The following CCDC186 variants were observed in gnomAD, a reference collection of about 807,000 sequenced individuals.
CCDC186 encodes coiled-coil domain-containing protein 186.
In CCDC186, 49 loss-of-function variants were observed where a neutral mutation model predicts 113.7. The observed-to-expected ratio is 0.43, with a 90% CI of 0.34 to 0.55. The LOEUF (loss-of-function observed/expected upper bound fraction) is 0.55. Ranked by LOEUF, CCDC186 falls within the 20% of genes least tolerant of loss-of-function variation. The pLI, the probability that CCDC186 is intolerant of heterozygous loss-of-function variation, is 0.02. For missense variants in CCDC186, 890 were observed against 1,011.1 expected, an observed-to-expected ratio of 0.88 and a Z score of 1.62; for synonymous variants, 355 against 345.8, an observed-to-expected ratio of 1.03 and a Z score of -0.30.
chr10:114,129,957 C>G lies in CCDC186; in HGVS notation c.2116G>C (p.Asp706His). ...KQLQQARRKL[D>H]QVESGSYDKE... ...TCATAGCTTCCACTCTCAACCTGAT[C>G]TAATTTTCTTCGTGCTATAGGAAAA... The change falls in exon 13 of 16, where the codon GAT becomes CAT. Residue 706 changes from aspartate to histidine, a missense_variant. Physicochemically the swap from Asp to His is moderately conservative, Grantham distance 81. Coordinates refer to ENST00000369287, the MANE Select transcript of CCDC186 (RefSeq NM_018017.4). 6.2e-7 allele frequency: 1 copy of G among 1,613,334 alleles called. No homozygotes were observed. Among genetic ancestry groups the G allele is most frequent in the Middle Eastern group, 1.7e-4 (1 of 6,056 alleles).
intron 1 of CCDC186, chr10:114,168,102 C>T (rs1374066032): frequency 1.3e-5 from 2 of 152,212 alleles, no homozygotes; most frequent in Admixed American, 1.3e-4. Context: ...TACTATAATA[C>T]AGTACAGTCA....
chr10:114,166,050 C>T (rs908443952), intron 1 of CCDC186: 5 of 414,320 alleles, frequency 1.2e-5, no homozygotes, highest in Middle Eastern at 1.2e-3. Context: ...AAAGTTACAT[C>T]GGACCAAGGG....
intron 1 of CCDC186, among the ~76,000 whole-genome samples, chr10:114,166,785 T>C (rs17091398): frequency 0.17 from 25,592 of 152,072 alleles, 2,486 homozygotes; most frequent in African/African-American, 0.27. Context: ...GAAGACAGTA[T>C]AGAACAACAA....
chr10:114,171,380 A>G (rs1475952245), intron 1 of CCDC186, among the ~76,000 whole-genome samples: 1 of 151,726 alleles, frequency 6.6e-6, no homozygotes, highest in Non-Finnish European at 1.5e-5. Context: ...ATAAAAAATA[A>G]TAATATATAA....
chr10:114,149,298 T>C (rs72823046), intron 4 of CCDC186, among the ~76,000 whole-genome samples: 20,462 of 152,016 alleles, frequency 0.13, 1,758 homozygotes, highest in South Asian at 0.2. Flanking sequence ...GTGAGTGCAG[T>C]ACATTGCCAT....
intron 1 of CCDC186, among the ~76,000 whole-genome samples, chr10:114,164,114 A>ATATAT (rs1478462193): frequency 1.3e-5 from 1 of 79,182 alleles, no homozygotes; most frequent in African/African-American, 4.9e-5. Context: ...ATATATATAT[A>ATATAT]TTTTTTTTTT....
intron 6 of CCDC186, 21 bp from the exon 7 acceptor site, chr10:114,137,311 G>C (rs1241250608): frequency 1.9e-6 from 3 of 1,579,206 alleles, no homozygotes; most frequent in African/African-American, 1.3e-5. Context: ...AAAAGACAGA[G>C]ACACAGTTGG....
chr10:114,168,853 C>T lies in CCDC186; in HGVS notation c.-62+5162G>A, dbSNP rs577523148. Reference sequence around the variant, plus strand: ...GTGCAGCAGGCAAGAACCTGTCAGGCGATTACAAACTCACAGATATTCAGT... The same window carrying T: ...GTGCAGCAGGCAAGAACCTGTCAGGTGATTACAAACTCACAGATATTCAGT... On this transcript the variant is annotated intron_variant, in intron 1 of 15. Coordinates refer to ENST00000369287, the MANE Select transcript of CCDC186 (RefSeq NM_018017.4). 1.1e-4 allele frequency among the ~76,000 whole-genome samples: 16 copies of T among 152,240 alleles called. No homozygotes were observed. The South Asian group carries it at 2.5e-3, about 24-fold the overall frequency.
Position 114,121,607 on chromosome 10 carries a change from T to C in CCDC186, c.*3536A>G, listed in dbSNP as rs1482712630. The C allele has an allele frequency of 2.6e-5, 4 of 152,178 alleles. No individual in the cohort carries two copies. The highest frequency in any genetic ancestry group is 6.5e-5 in the Admixed American group (1 of 15,278). 9.4% of individuals were successfully genotyped at this position (152,178 alleles called of 1,614,324 possible). A position where few individuals can be genotyped will look rare whatever the true frequency, so the allele number is the denominator to read the frequency against. On this transcript the variant is annotated 3_prime_UTR_variant, in exon 16 of 16. Coordinates refer to ENST00000369287, the MANE Select transcript of CCDC186 (RefSeq NM_018017.4). ...ATGAAAATCAAACTATGATAAAAGT[T>C]AGGAAACGTGCAGAACCACCAGGAA...
At chr10:114,136,625 A>C (rs77089719) in intron 7 of CCDC186, among the ~76,000 whole-genome samples, 9 of 152,204 alleles carry the variant, frequency 5.9e-5, no homozygotes, top group Admixed American at 1.3e-4. Flanking sequence ...TTATTAACCT[A>C]AAGTTATACA....
intron 7 of CCDC186, among the ~76,000 whole-genome samples, chr10:114,136,501 T>A (rs1481302468): frequency 1.3e-5 from 2 of 152,216 alleles, no homozygotes; most frequent in Admixed American, 6.5e-5. Context: ...CTGCACTTTT[T>A]TTCTAAATAG....
intron 14 of CCDC186, among the ~76,000 whole-genome samples, chr10:114,126,460 G>C (rs1009983422): frequency 6.6e-6 from 1 of 152,100 alleles, no homozygotes; most frequent in Non-Finnish European, 1.5e-5. Context: ...CGGCTCAAGC[G>C]ATCCTCCTGC....
chr10:114,137,689 G>A (rs1347329952), intron 6 of CCDC186, among the ~76,000 whole-genome samples: 1 of 152,036 alleles, frequency 6.6e-6, no homozygotes, highest in East Asian at 1.9e-4. Context: ...GATAACCTAA[G>A]ATCAGGAACT....
chr10:114,163,954 G>C (rs1202185458), intron 1 of CCDC186, among the ~76,000 whole-genome samples: 1 of 151,558 alleles, frequency 6.6e-6, no homozygotes, highest in Non-Finnish European at 1.5e-5. Flanking sequence ...GTACCATGGT[G>C]ATTTTCAAAC....
intron 1 of CCDC186, 89 bp from the exon 2 acceptor site, chr10:114,163,418 C>A: frequency 9.6e-7 from 1 of 1,040,168 alleles, no homozygotes; most frequent in Non-Finnish European, 1.4e-6. Flanking sequence ...GAATAACTAA[C>A]ACCACAAATT....
intron 2 of CCDC186, 114 bp downstream of exon 2, chr10:114,162,523 G>T: frequency 1.3e-6 from 1 of 753,242 alleles, no homozygotes; most frequent in Non-Finnish European, 2.1e-6. Flanking sequence ...CTATGTGCAT[G>T]ATTCTAATGT....
At chr10:114,143,604 T>C (rs986655666) in intron 6 of CCDC186, among the ~76,000 whole-genome samples, 1 of 152,186 alleles carries the variant, frequency 6.6e-6, no homozygotes, top group East Asian at 1.9e-4. Flanking sequence ...CCCACTATTC[T>C]CTAATCTACC....
At chr10:114,144,447 A>T (rs752155943) in intron 6 of CCDC186, 50 bp downstream of exon 6, 1 of 1,558,866 alleles carries the variant, frequency 6.4e-7, no homozygotes. Flanking sequence ...ACAAAAACAA[A>T]AACAAAAAAA....
At chr10:114,153,892 A>G (rs2031928609) in intron 3 of CCDC186, among the ~76,000 whole-genome samples, 1 of 151,608 alleles carries the variant, frequency 6.6e-6, no homozygotes. Context: ...GAGGAGGAAG[A>G]AAAAAATAAA....
Sources: allele counts gnomAD v4.1 joint callset (sites outside exome capture counted in the v4.1 genomes callset), GRCh38; gene constraint gnomAD v4.1.1; transcripts MANE v1.5; gene names NCBI Gene and HGNC (gene_info 2026-07-23, HGNC 2026-07-21).